The following GALNT7 variants were observed in gnomAD, a reference collection of about 807,000 sequenced individuals.
GALNT7 encodes the protein polypeptide N-acetylgalactosaminyltransferase 7, also known as N-acetylgalactosaminyltransferase 7.
A neutral mutation model predicts 82.1 loss-of-function variants in GALNT7; 60 were observed. That is an observed-to-expected ratio of 0.73 (90% confidence interval 0.59 to 0.91). GALNT7 has a LOEUF of 0.91. GALNT7 is among the 40% of genes least tolerant of loss of function. GALNT7 has a pLI of 0.00. For synonymous variants in GALNT7, 243 were observed against 275.1 expected, an observed-to-expected ratio of 0.88 and a Z score of 1.15; for missense variants, 660 against 804.2, an observed-to-expected ratio of 0.82 and a Z score of 2.17.
At chr4:173,169,173 T>A (rs1232813804) in intron 1 of GALNT7, 1 of 206,004 alleles carries the variant, frequency 4.9e-6, no homozygotes, top group Non-Finnish European at 9.5e-6. Flanking sequence ...CGCCGCCCCT[T>A]CCTCCGCTCT....
At chr4:173,266,989 A>G (rs1391558581) in intron 2 of GALNT7, among the ~76,000 whole-genome samples, 1 of 151,264 alleles carries the variant, frequency 6.6e-6, no homozygotes, top group African/African-American at 2.4e-5. Flanking sequence ...AGTTAGCTGG[A>G]AGGAATAAGT....
chr4:173,231,298 G>A (rs1432335861), intron 1 of GALNT7, among the ~76,000 whole-genome samples: 3 of 152,134 alleles, frequency 2.0e-5, no homozygotes, highest in Non-Finnish European at 4.4e-5. Context: ...CTTATAACAT[G>A]ATTTTAAAAA....
chr4:173,182,566 A>G (rs943214297), intron 1 of GALNT7, among the ~76,000 whole-genome samples: 2 of 152,120 alleles, frequency 1.3e-5, no homozygotes, highest in Non-Finnish European at 2.9e-5. Context: ...TCAGTTGTAT[A>G]TTTTATTGAC....
At chr4:173,187,256 T>C (rs1321648221) in intron 1 of GALNT7, among the ~76,000 whole-genome samples, 1 of 152,158 alleles carries the variant, frequency 6.6e-6, no homozygotes, top group African/African-American at 2.4e-5. Flanking sequence ...AAATAAACTC[T>C]GTGGATTGCT....
intron 1 of GALNT7, among the ~76,000 whole-genome samples, chr4:173,179,968 A>G (rs1028704410): frequency 3.9e-5 from 6 of 152,196 alleles, no homozygotes; most frequent in Non-Finnish European, 8.8e-5. Flanking sequence ...AACATTTATT[A>G]TCGCAAAAAT....
At chr4:173,203,313 G>C (rs995020488) in intron 1 of GALNT7, among the ~76,000 whole-genome samples, 1 of 152,094 alleles carries the variant, frequency 6.6e-6, no homozygotes, top group Non-Finnish European at 1.5e-5. Flanking sequence ...GAATGGTCTC[G>C]ATCTCCTGAC....
At chr4:173,290,995 C>T (rs1736512110) in intron 2 of GALNT7, among the ~76,000 whole-genome samples, 2 of 152,182 alleles carry the variant, frequency 1.3e-5, no homozygotes, top group Admixed American at 1.3e-4. Context: ...CCTTCAGCCC[C>T]TTGATGTTTC....
intron 1 of GALNT7, among the ~76,000 whole-genome samples, chr4:173,215,122 G>C (rs1023096886): frequency 6.6e-6 from 1 of 152,048 alleles, no homozygotes; most frequent in Non-Finnish European, 1.5e-5. Context: ...AGCCATGTTG[G>C]CTAGAAATAT....
chr4:173,169,037 G>A (rs1433915685), intron 1 of GALNT7, 76 bp downstream of exon 1: 45 of 1,458,406 alleles, frequency 3.1e-5, no homozygotes, highest in Non-Finnish European at 4.0e-5. Context: ...GGAGGGAGCA[G>A]GGGCGGCGGG....
intron 1 of GALNT7, among the ~76,000 whole-genome samples, chr4:173,198,002 A>G (rs1732827641): frequency 6.6e-6 from 1 of 152,082 alleles, no homozygotes; most frequent in Admixed American, 6.5e-5. Context: ...CATGCATTAC[A>G]CTGCATTTCA....
At chr4:173,204,271 T>C (rs1199804584) in intron 1 of GALNT7, among the ~76,000 whole-genome samples, 1 of 152,248 alleles carries the variant, frequency 6.6e-6, no homozygotes, top group Non-Finnish European at 1.5e-5. Flanking sequence ...CTTTTTGTCT[T>C]TGATTTTTGA....
intron 1 of GALNT7, among the ~76,000 whole-genome samples, chr4:173,191,079 A>G (rs1474229824): frequency 6.6e-6 from 1 of 151,952 alleles, no homozygotes; most frequent in Non-Finnish European, 1.5e-5. Flanking sequence ...AAAAAAATGG[A>G]AATATTAAGG....
At chr4:173,211,219 A>G (rs1181685573) in intron 1 of GALNT7, among the ~76,000 whole-genome samples, 2 of 152,210 alleles carry the variant, frequency 1.3e-5, no homozygotes, top group Non-Finnish European at 2.9e-5. Context: ...CTAGGGATGC[A>G]TGTTCAGAAT....
Position 173,292,375 on chromosome 4 carries a change from A to G in GALNT7, c.754+101A>G. 1 of 679,866 alleles carries G rather than the reference A, an allele frequency of 1.5e-6. No homozygotes were observed. Among genetic ancestry groups the G allele is most frequent in the Non-Finnish European group, 2.5e-6 (1 of 402,748 alleles). The allele number at this position is 679,866 out of a possible 1,614,324, so 42.1% of individuals were successfully genotyped here. A position where few individuals can be genotyped will look rare whatever the true frequency, so the allele number is the denominator to read the frequency against. ...TAATTAGCTTTAAAAAATTAATAGC[A>G]TCTATTGATAGCATCTGTTATCAAC... On this transcript the variant is annotated intron_variant, in intron 3 of 11. Coordinates refer to ENST00000265000, the MANE Select transcript of GALNT7 (RefSeq NM_017423.3). This position sits in a 1 kb window ranked among gnomAD's most constrained non-coding sequence, Gnocchi z 4.8.
At chr4:173,287,799 G>A (rs1019570932) in intron 2 of GALNT7, among the ~76,000 whole-genome samples, 2 of 152,174 alleles carry the variant, frequency 1.3e-5, no homozygotes, top group African/African-American at 2.4e-5. Flanking sequence ...TAAGGGTCCA[G>A]GAGAGATTGT....
At chr4:173,280,779 A>G (rs528021673) in intron 2 of GALNT7, among the ~76,000 whole-genome samples, 1 of 152,244 alleles carries the variant, frequency 6.6e-6, no homozygotes, top group Non-Finnish European at 1.5e-5. Flanking sequence ...GGAATGATGC[A>G]GAATAGGGGG....
chr4:173,179,805 A>G (rs562910363), intron 1 of GALNT7, among the ~76,000 whole-genome samples: 1 of 152,082 alleles, frequency 6.6e-6, no homozygotes, highest in African/African-American at 2.4e-5. Context: ...AAAACAAAAC[A>G]AAAGAACAGT....
intron 1 of GALNT7, among the ~76,000 whole-genome samples, chr4:173,183,699 G>GC (rs528449674): frequency 0.014 from 2,110 of 151,436 alleles, 32 homozygotes; most frequent in South Asian, 0.026. Context: ...GGGCAGAAGC[G>GC]CCCCCCCACC....
Position 173,314,062 on chromosome 4 carries a change from GA to G in GALNT7, c.1500del (p.Lys500AsnfsTer18). ...ALPYGDISEL[K>X]KFREDHNCKS... ...TACCATATGGGGATATATCGGAGCT[GA>G]AAAAATTTCGAGAAGATCACAACTG... On this transcript the variant is annotated frameshift_variant, in exon 9 of 12. Transcript: ENST00000265000. LOFTEE classifies it high-confidence loss of function. 1 of 1,612,642 alleles carries G rather than the reference GA, an allele frequency of 6.2e-7. No homozygotes were observed. The highest frequency in any genetic ancestry group is 8.5e-7 in the Non-Finnish European group (1 of 1,178,752).
Sources: gnomAD v4.1 joint callset for allele counts (sites outside exome capture counted in the v4.1 genomes callset) on GRCh38, gnomAD v4.1.1 for gene constraint, Gnocchi (gnomAD v3.1) non-coding constraint, MANE v1.5 for transcripts, NCBI Gene and HGNC (gene_info 2026-07-23, HGNC 2026-07-21) for gene names.